The following CNTN6 variants were observed in gnomAD, a reference collection of about 807,000 sequenced individuals.
CNTN6 encodes contactin-6.
A neutral mutation model predicts 122.8 loss-of-function variants in CNTN6; 137 were observed. The observed-to-expected ratio is 1.12, with a 90% CI of 0.97 to 1.29. The LOEUF is 1.29. Among genes scored for constraint, CNTN6 ranks in the 50% most tolerant of loss-of-function variants. The pLI is 0.00. For missense variants in CNTN6, 1,634 were observed against 1,223.4 expected (o/e 1.34, Z -5.01); for synonymous variants, 570 against 426.0 (o/e 1.34, Z -4.16).
chr3:1,239,764 C>G (rs1295000384), intron 4 of CNTN6, among the ~76,000 whole-genome samples: 2 of 152,180 alleles, frequency 1.3e-5, no homozygotes, highest in Non-Finnish European at 2.9e-5. Context: ...CGTTACCTGA[C>G]TTCACCTTTT....
intron 19 of CNTN6, among the ~76,000 whole-genome samples, chr3:1,384,224 TACCACA>T (rs777927051): frequency 1.2e-4 from 18 of 152,172 alleles, no homozygotes; most frequent in Non-Finnish European, 2.4e-4. Flanking sequence ...TAAGTGTTCT[TACCACA>T]ACATCATTTT....
At chr3:1,224,667 G>A (rs111864678) in intron 3 of CNTN6, among the ~76,000 whole-genome samples, 87 of 151,968 alleles carry the variant, frequency 5.7e-4, no homozygotes, top group Non-Finnish European at 9.9e-4. Context: ...AGGCACAAGC[G>A]CGCACACATG....
At chr3:1,189,585 T>A (rs1284054113) in intron 2 of CNTN6, among the ~76,000 whole-genome samples, 1 of 152,194 alleles carries the variant, frequency 6.6e-6, no homozygotes, top group Admixed American at 6.5e-5. Flanking sequence ...TGAAATAATT[T>A]TGGACTGTTA....
In CNTN6 at chr3:1,327,545, AATATC is replaced by A; in HGVS notation, c.1174_1178del (p.Tyr392AspfsTer7). 6.2e-7 allele frequency: 1 copy of A among 1,610,820 alleles called. No individual in the cohort carries two copies. The stretch of plus-strand genomic sequence containing the variant: ...GTGTACCAATGTGCTGCAGAAAACA[AATATC>A]AGATAATTTATGCAAATGCTGAATT... On this transcript the variant is annotated frameshift_variant, in exon 10 of 23. Transcript: ENST00000446702. LOFTEE classifies it high-confidence loss of function.
chr3:1,396,282 C>T (rs1694980160), intron 20 of CNTN6, among the ~76,000 whole-genome samples: 1 of 152,180 alleles, frequency 6.6e-6, no homozygotes, highest in South Asian at 2.1e-4. Context: ...GTACCCCTGC[C>T]AGGCCTATAT....
At chr3:1,374,143 T>C in intron 16 of CNTN6, 70 bp downstream of exon 16, 1 of 1,416,942 alleles carries the variant, frequency 7.1e-7, no homozygotes, top group Non-Finnish European at 9.6e-7. Flanking sequence ...AAAACAAGTA[T>C]TTTTATGTGT....
At chr3:1,312,599 C>A (rs1416910663) in intron 7 of CNTN6, among the ~76,000 whole-genome samples, 1 of 123,666 alleles carries the variant, frequency 8.1e-6, no homozygotes, top group African/African-American at 3.4e-5. Flanking sequence ...GTGATTTCAC[C>A]TTTTGCCTCT....
chr3:1,197,569 C>T (rs1450776070), intron 2 of CNTN6, among the ~76,000 whole-genome samples: 8 of 152,172 alleles, frequency 5.3e-5, no homozygotes, highest in Admixed American at 4.6e-4. Flanking sequence ...ATCTACAACA[C>T]TTAGTGATGT....
intron 2 of CNTN6, among the ~76,000 whole-genome samples, chr3:1,212,173 A>T (rs1037399192): frequency 6.6e-6 from 1 of 151,996 alleles, no homozygotes; most frequent in Non-Finnish European, 1.5e-5. Flanking sequence ...TACAATTTTC[A>T]TATAATTATT....
chr3:1,246,768 T>C (rs1372424982), intron 4 of CNTN6, among the ~76,000 whole-genome samples: 1 of 152,196 alleles, frequency 6.6e-6, no homozygotes, highest in African/African-American at 2.4e-5. Context: ...TGTTTCCTGA[T>C]CACTAATGAA....
chr3:1,202,461 AC>A (rs71062554), intron 2 of CNTN6, among the ~76,000 whole-genome samples: 16,782 of 150,898 alleles, frequency 0.11, 1,004 homozygotes, highest in Non-Finnish European at 0.13. Flanking sequence ...AATGGCGGGA[AC>A]CCCGGGGGGC....
intron 2 of CNTN6, among the ~76,000 whole-genome samples, chr3:1,208,835 A>G (rs749230439): frequency 1.3e-5 from 2 of 152,154 alleles, no homozygotes; most frequent in East Asian, 1.9e-4. Flanking sequence ...GGCACTTACT[A>G]TGCTCCCAAA....
intron 4 of CNTN6, among the ~76,000 whole-genome samples, chr3:1,254,437 C>A (rs767945780): frequency 2.5e-4 from 38 of 152,088 alleles, no homozygotes; most frequent in Non-Finnish European, 5.6e-4. Flanking sequence ...TTCGTTTCAA[C>A]GAAGGAATGA....
intron 11 of CNTN6, among the ~76,000 whole-genome samples, chr3:1,351,597 A>G (rs1022837914): frequency 6.7e-6 from 1 of 149,086 alleles, no homozygotes; most frequent in Non-Finnish European, 1.5e-5. Context: ...GCTTTAGACT[A>G]TGCTAGAGTT....
At chr3:1,237,534 C>T (rs1173801702) in intron 4 of CNTN6, among the ~76,000 whole-genome samples, 1 of 151,996 alleles carries the variant, frequency 6.6e-6, no homozygotes, top group Non-Finnish European at 1.5e-5. Flanking sequence ...CATCCAAATA[C>T]AAGAAGCTCA....
At chr3:1,349,504 C>T (rs551902669) in intron 11 of CNTN6, among the ~76,000 whole-genome samples, 5 of 151,504 alleles carry the variant, frequency 3.3e-5, no homozygotes, top group East Asian at 3.9e-4. Flanking sequence ...ATCTTTTTTG[C>T]ATATTGTAAA....
chr3:1,107,154 G>A (rs1429152734), intron 1 of CNTN6, among the ~76,000 whole-genome samples: 1 of 151,966 alleles, frequency 6.6e-6, no homozygotes, highest in Non-Finnish European at 1.5e-5. Flanking sequence ...ATTTAATATG[G>A]GCAAACCATA....
chr3:1,245,625 C>T (rs2094572580), intron 4 of CNTN6, among the ~76,000 whole-genome samples: 1 of 148,800 alleles, frequency 6.7e-6, no homozygotes, highest in Non-Finnish European at 1.5e-5. Flanking sequence ...TCTCAGAAAT[C>T]ACCACTAAAA....
intron 4 of CNTN6, among the ~76,000 whole-genome samples, chr3:1,252,226 C>G (rs1164179806): frequency 6.6e-6 from 1 of 152,156 alleles, no homozygotes; most frequent in Non-Finnish European, 1.5e-5. Flanking sequence ...TTGAAATTAT[C>G]TCTTCCTACA....
Sources: gnomAD v4.1 joint callset for allele counts (sites outside exome capture counted in the v4.1 genomes callset) on GRCh38, gnomAD v4.1.1 for gene constraint, MANE v1.5 for transcripts, NCBI Gene and HGNC (gene_info 2026-07-23, HGNC 2026-07-21) for gene names.